Variants in UTRN observed in about 807,000 individuals in gnomAD.
UTRN encodes the protein dystrophin-related protein 1.
A neutral mutation model predicts 463.9 loss-of-function variants in UTRN; 283 were observed. The observed-to-expected ratio is 0.61, with a 90% CI of 0.55 to 0.67. The LOEUF is 0.67. Among genes scored for constraint, UTRN ranks in the 30% least tolerant of loss-of-function variants. UTRN has a pLI of 0.00. For missense variants in UTRN, 3,922 were observed against 4,084.3 expected (o/e 0.96, Z 1.08); for synonymous variants, 1,442 against 1,431.5 (o/e 1.01, Z -0.17).
At chr6:144,347,839 T>G (rs1012928646) in intron 2 of UTRN, among the ~76,000 whole-genome samples, 1 of 143,792 alleles carries the variant, frequency 7.0e-6, no homozygotes, top group African/African-American at 2.8e-5. Context: ...TATTCTTTGT[T>G]TTTTTTTTTT....
chr6:144,471,547 CTT>C (rs889654204), intron 23 of UTRN, among the ~76,000 whole-genome samples: 2 of 152,218 alleles, frequency 1.3e-5, no homozygotes, highest in African/African-American at 4.8e-5. Context: ...TGTATTCACA[CTT>C]TCTCTCTTTT....
rs1196956915 is a variant in UTRN, at chr6:144,821,019, G to A, written c.9494+1G>A. ...TTCTTGAAGGTGACAACTTAGAGAC[G>A]TAAGTTTGATTTTAATATTAAATCT... is the stretch of plus-strand genomic sequence containing the variant. On this transcript the variant is annotated splice_donor_variant, in intron 66 of 74. Transcript: ENST00000367545. LOFTEE classifies it high-confidence loss of function. 6.8e-6 allele frequency: 11 copies of A among 1,611,864 alleles called. No homozygotes were observed. Among genetic ancestry groups the A allele is most frequent in the South Asian group, 1.1e-5 (1 of 90,504 alleles).
At chr6:144,801,741 G>A (rs1279623933) in intron 64 of UTRN, among the ~76,000 whole-genome samples, 1 of 152,112 alleles carries the variant, frequency 6.6e-6, no homozygotes, top group African/African-American at 2.4e-5. Context: ...ACAGAGTGAA[G>A]GTAGGTAATC....
chr6:144,488,163 T>C (rs1792668458), intron 29 of UTRN, among the ~76,000 whole-genome samples: 1 of 152,194 alleles, frequency 6.6e-6, no homozygotes. Flanking sequence ...CAAACACATA[T>C]TAAATAATAA....
intron 2 of UTRN, among the ~76,000 whole-genome samples, chr6:144,332,352 G>GTGAA (rs1394636364): frequency 6.6e-6 from 1 of 152,132 alleles, no homozygotes; most frequent in Non-Finnish European, 1.5e-5. Flanking sequence ...ATAGATCCTT[G>GTGAA]TGAATGAATG....
chr6:144,434,963 G>T (rs1044151932), intron 9 of UTRN, among the ~76,000 whole-genome samples: 3 of 152,156 alleles, frequency 2.0e-5, no homozygotes, highest in Admixed American at 6.6e-5. Context: ...TAGTTTGTTG[G>T]TTAATTATAT....
rs1174367102 is a variant in UTRN, at chr6:144,771,962, T to A, written c.8551T>A (p.Ser2851Thr). The A allele has an allele frequency of 1.3e-6, 2 of 1,529,176 alleles. No individual in the cohort carries two copies. Among genetic ancestry groups the A allele is most frequent in the Admixed American group, 3.7e-5 (2 of 53,996 alleles). The allele number at this position is 1,529,176 out of a possible 1,614,324, so 94.7% of individuals were successfully genotyped here. Reference sequence around the variant, plus strand: ...TCCTAAAATGACCGAACTCTTTCAATCCCTTGGTAAGTGTTATTAATAGTA... The same window carrying A: ...TCCTAAAATGACCGAACTCTTTCAAACCCTTGGTAAGTGTTATTAATAGTA... Reference protein sequence around the residue: ...DHPKMTELFQSLADLNNVRFS... With the variant: ...DHPKMTELFQTLADLNNVRFS... Residue 2851 changes from serine to threonine, a missense_variant, in exon 59 of 75, where the codon TCC (serine) becomes ACC (threonine). Ser to Thr is a moderately conservative substitution (Grantham distance 58). Coordinates refer to ENST00000367545, the MANE Select transcript of UTRN (RefSeq NM_007124.3).
intron 51 of UTRN, chr6:144,583,076 G>C (rs971337568): frequency 1.2e-5 from 2 of 160,996 alleles, no homozygotes; most frequent in African/African-American, 2.4e-5. Flanking sequence ...CACCGTGGTG[G>C]TGGCAGTGAT....
At chr6:144,629,352 G>T (rs1387547262) in intron 51 of UTRN, among the ~76,000 whole-genome samples, 6 of 152,120 alleles carry the variant, frequency 3.9e-5, no homozygotes, top group African/African-American at 1.4e-4. Flanking sequence ...CCAGTTTCTT[G>T]TGTGCTCTTC....
intron 3 of UTRN, among the ~76,000 whole-genome samples, chr6:144,415,004 G>C (rs561122503): frequency 6.6e-6 from 1 of 152,194 alleles, no homozygotes. Context: ...ATGAGCCACT[G>C]TATCCAGCCT....
chr6:144,555,094 A>G (rs1488912889), intron 49 of UTRN, among the ~76,000 whole-genome samples: 8 of 152,184 alleles, frequency 5.3e-5, no homozygotes, highest in Non-Finnish European at 1.5e-5. Context: ...AAGAATATGC[A>G]TGTCTCCGAG....
chr6:144,761,816 G>C (rs918957389), intron 58 of UTRN, among the ~76,000 whole-genome samples: 1 of 152,094 alleles, frequency 6.6e-6, no homozygotes, highest in Non-Finnish European at 1.5e-5. Flanking sequence ...TCAGATAAAA[G>C]TCAACTTCCA....
At chr6:144,708,505 A>G (rs1369402677) in intron 53 of UTRN, 11 of 444,012 alleles carry the variant, frequency 2.5e-5, no homozygotes, top group Non-Finnish European at 4.6e-5. Flanking sequence ...GATCTAAGAC[A>G]CCAGAGAGGT....
intron 3 of UTRN, among the ~76,000 whole-genome samples, chr6:144,412,684 A>G (rs540402595): frequency 6.6e-6 from 1 of 151,586 alleles, no homozygotes; most frequent in Non-Finnish European, 1.5e-5. Flanking sequence ...ATCTGAGGAG[A>G]GTGTGAATAT....
intron 69 of UTRN, among the ~76,000 whole-genome samples, chr6:144,830,520 A>G (rs1457114504): frequency 6.6e-6 from 1 of 152,174 alleles, no homozygotes; most frequent in Non-Finnish European, 1.5e-5. Flanking sequence ...AACAAAAGTA[A>G]TTCTCAAAAC....
intron 33 of UTRN, among the ~76,000 whole-genome samples, chr6:144,497,081 G>C (rs778003190): frequency 6.6e-6 from 1 of 152,200 alleles, no homozygotes; most frequent in Non-Finnish European, 1.5e-5. Flanking sequence ...ACAGGTTTTA[G>C]TAGGCAAATT....
At chr6:144,387,201 G>A (rs370310374) in intron 2 of UTRN, among the ~76,000 whole-genome samples, 2 of 152,048 alleles carry the variant, frequency 1.3e-5, no homozygotes, top group Non-Finnish European at 2.9e-5. Context: ...GGAGTGCAGC[G>A]GCGCGATCTT....
intron 50 of UTRN, among the ~76,000 whole-genome samples, chr6:144,574,929 T>A (rs548609690): frequency 7.6e-4 from 115 of 152,240 alleles, no homozygotes; most frequent in African/African-American, 2.7e-3. Context: ...GGGGTAAGAT[T>A]GCTGAGTTGT....
chr6:144,385,604 C>T (rs1405429615), intron 2 of UTRN, among the ~76,000 whole-genome samples: 1 of 152,084 alleles, frequency 6.6e-6, no homozygotes, highest in African/African-American at 2.4e-5. Context: ...TTTGCAGTAC[C>T]CAGTGATAGT....
Sources: allele counts gnomAD v4.1 joint callset (sites outside exome capture counted in the v4.1 genomes callset), GRCh38; gene constraint gnomAD v4.1.1; transcripts MANE v1.5; gene names NCBI Gene and HGNC (gene_info 2026-07-23, HGNC 2026-07-21).